The following GALNTL6 variants were observed in gnomAD, a reference collection of about 807,000 sequenced individuals.
GALNTL6 encodes the protein polypeptide N-acetylgalactosaminyltransferase-like 6.
In GALNTL6, 46 loss-of-function variants were observed where a neutral mutation model predicts 73.7. The ratio of observed to expected loss-of-function variants is 0.62; its 90% CI spans 0.49 to 0.80. The LOEUF is 0.80. GALNTL6 is among the 30% of genes least tolerant of loss of function. The pLI, the probability that GALNTL6 is intolerant of heterozygous loss-of-function variation, is 0.00. For synonymous variants in GALNTL6, 259 were observed against 263.7 expected, an observed-to-expected ratio of 0.98 and a Z score of 0.17; for missense variants, 604 against 755.0, an observed-to-expected ratio of 0.80 and a Z score of 2.34.
rs33989573 is a variant in GALNTL6 at position 172,761,669 on chromosome 4, TTC to T, written c.554-47666_554-47665del. Among the ~76,000 whole-genome samples, 1,080 of 147,256 alleles carry T rather than the reference TTC, an allele frequency of 7.3e-3. 6 individuals are homozygous for T. The highest frequency in any genetic ancestry group is 0.02 in the South Asian group (92 of 4,658). Reference sequence around the variant, plus strand: ...TGTGAGAGCTTCGCCCTTGCTCTCTTTCTCTCTCTCTCTCTCTCTCTCTCTCT... The same window carrying T: ...TGTGAGAGCTTCGCCCTTGCTCTCTTTCTCTCTCTCTCTCTCTCTCTCTCT... On this transcript the variant is annotated intron_variant, in intron 5 of 12. Transcript: ENST00000506823.
intron 3 of GALNTL6, among the ~76,000 whole-genome samples, chr4:172,241,593 A>G (rs1408900355): frequency 6.6e-6 from 1 of 152,220 alleles, no homozygotes; most frequent in Non-Finnish European, 1.5e-5. Flanking sequence ...AAACCAATGT[A>G]TTGGTAGAAG....
intron 10 of GALNTL6, among the ~76,000 whole-genome samples, chr4:173,003,429 A>G (rs554848787): frequency 6.6e-6 from 1 of 152,328 alleles, no homozygotes; most frequent in East Asian, 1.9e-4. Flanking sequence ...CCTTCGACTT[A>G]AGTGCCGTGA....
chr4:171,904,930 A>T (rs1276663982), intron 2 of GALNTL6, among the ~76,000 whole-genome samples: 1 of 152,182 alleles, frequency 6.6e-6, no homozygotes, highest in East Asian at 1.9e-4. Context: ...AATACTTTAC[A>T]GACAAGCAAA....
At chr4:172,096,827 T>C (rs1332364818) in intron 2 of GALNTL6, among the ~76,000 whole-genome samples, 1 of 152,196 alleles carries the variant, frequency 6.6e-6, no homozygotes, top group African/African-American at 2.4e-5. Flanking sequence ...CTTCATATCC[T>C]AATTATCTTC....
At chr4:173,032,097 G>A (rs74561939) in intron 12 of GALNTL6, among the ~76,000 whole-genome samples, 2 of 152,194 alleles carry the variant, frequency 1.3e-5, no homozygotes, top group Admixed American at 6.5e-5. Flanking sequence ...AAATGCATAC[G>A]TGCAACAGAA....
rs1177228867 is a variant in GALNTL6 at position 172,490,972 on chromosome 4, C to T, written c.553+142283C>T. On this transcript the variant is annotated intron_variant, in intron 5 of 12. Transcript: ENST00000506823. Reference sequence around the variant, plus strand: ...CAAGGAGATGGGGCTAGGGATAAATCAGTGAACAAGACACAGGTAGTCCTT... The same window carrying T: ...CAAGGAGATGGGGCTAGGGATAAATTAGTGAACAAGACACAGGTAGTCCTT... 2.0e-5 allele frequency among the ~76,000 whole-genome samples: 3 copies of T among 152,150 alleles called. No homozygotes were observed. The East Asian group carries it at 5.8e-4, about 29-fold the overall frequency.
At position 173,040,659 on chromosome 4, in the gene GALNTL6, TGAG is replaced by T. The variant is rs1465297713; in HGVS notation, c.*561_*563del. The T allele has an allele frequency of 6.6e-6, 1 of 152,624 alleles. No homozygotes were observed. Among genetic ancestry groups the T allele is most frequent in the Admixed American group, 6.6e-5 (1 of 15,266 alleles). 9.5% of individuals were successfully genotyped at this position (152,624 alleles called of 1,614,324 possible). A position where few individuals can be genotyped will look rare whatever the true frequency, so the allele number is the denominator to read the frequency against. ...TGTTTTTTTTATTTTTATTTTTAAA[TGAG>T]GGTGCAATATCTAATGTAAGACTTA... On this transcript the variant is annotated 3_prime_UTR_variant, in exon 13 of 13. Transcript: ENST00000506823.
At chr4:172,991,078 T>G (rs1163375640) in intron 10 of GALNTL6, among the ~76,000 whole-genome samples, 2 of 152,172 alleles carry the variant, frequency 1.3e-5, no homozygotes, top group Non-Finnish European at 2.9e-5. Context: ...TTTAAAACAC[T>G]TGGTATCATA....
At position 172,490,328 on chromosome 4, in the gene GALNTL6, C is replaced by T. The variant is rs1382047669; in HGVS notation, c.553+141639C>T. ...CTATAAGCTTTTTCCTTTTCTGAGT[C>T]TGGGTAAAAATGAATGAGAATGGAG... On this transcript the variant is annotated intron_variant, in intron 5 of 12. Transcript: ENST00000506823. Among the ~76,000 whole-genome samples, 3 of 152,234 alleles carry T rather than the reference C, an allele frequency of 2.0e-5. No homozygotes were observed. In the East Asian group the frequency reaches 5.8e-4, roughly 29 times the overall value.
chr4:172,800,604 A>G (rs1391796278), intron 5 of GALNTL6, among the ~76,000 whole-genome samples: 1 of 152,204 alleles, frequency 6.6e-6, no homozygotes, highest in African/African-American at 2.4e-5. Context: ...CTTTGCACAA[A>G]TAAAGTTTGT....
chr4:172,947,566 T>C (rs1749224574), intron 9 of GALNTL6, among the ~76,000 whole-genome samples: 5 of 134,862 alleles, frequency 3.7e-5, no homozygotes, highest in South Asian at 2.6e-4. Context: ...CTTGACTCTT[T>C]CTTTCCCCTT....
intron 2 of GALNTL6, among the ~76,000 whole-genome samples, chr4:172,200,372 G>A (rs550103115): frequency 3.3e-5 from 5 of 152,228 alleles, no homozygotes; most frequent in African/African-American, 9.6e-5. Context: ...AAGGAAATTC[G>A]ATTACCTTGA....
intron 5 of GALNTL6, among the ~76,000 whole-genome samples, chr4:172,415,106 A>C (rs2111350662): frequency 6.6e-6 from 1 of 152,316 alleles, no homozygotes; most frequent in East Asian, 1.9e-4. Context: ...TTTCCCCAAG[A>C]AATGAACTTT....
intron 2 of GALNTL6, among the ~76,000 whole-genome samples, chr4:171,902,749 A>T (rs908153668): frequency 1.4e-4 from 21 of 152,206 alleles, no homozygotes; most frequent in Admixed American, 3.9e-4. Context: ...ACATTGAAAA[A>T]GGAAAGATAT....
chr4:172,328,954 G>GT lies in GALNTL6; in HGVS notation c.386+17206dup, dbSNP rs202191744. 8.1e-4 allele frequency among the ~76,000 whole-genome samples: 123 copies of GT among 152,302 alleles called. 2 individuals are homozygous for GT. The South Asian group carries it at 0.016, about 19-fold the overall frequency. The stretch of plus-strand genomic sequence containing the variant: ...CACTCTGGCCATTTGAGCTGCCAGG[G>GT]TTTTGGGTTGGTTCTTTCTCATCTC... On this transcript the variant is annotated intron_variant, in intron 4 of 12. Coordinates refer to ENST00000506823, the MANE Select transcript of GALNTL6 (RefSeq NM_001034845.3).
chr4:172,799,412 A>G (rs1281438739), intron 5 of GALNTL6, among the ~76,000 whole-genome samples: 1 of 152,134 alleles, frequency 6.6e-6, no homozygotes, highest in Non-Finnish European at 1.5e-5. Context: ...CTATTTGCTT[A>G]TTTTGATAGC....
chr4:173,000,265 A>C (rs1751989185), intron 10 of GALNTL6, among the ~76,000 whole-genome samples: 1 of 152,180 alleles, frequency 6.6e-6, no homozygotes. Context: ...GTGAAATCAA[A>C]CTCTGGGCAG....
At chr4:171,833,377 G>A (rs984197823) in intron 2 of GALNTL6, among the ~76,000 whole-genome samples, 4 of 151,592 alleles carry the variant, frequency 2.6e-5, no homozygotes, top group African/African-American at 9.7e-5. Context: ...CACACTTTAT[G>A]TTTAGCCAGA....
chr4:172,979,100 A>G (rs1433791928), intron 10 of GALNTL6, among the ~76,000 whole-genome samples: 2 of 152,220 alleles, frequency 1.3e-5, no homozygotes, highest in African/African-American at 4.8e-5. Context: ...TGGTACTAAT[A>G]GTGGGTGTTG....
Sources: gnomAD v4.1 joint callset for allele counts (sites outside exome capture counted in the v4.1 genomes callset) on GRCh38, gnomAD v4.1.1 for gene constraint, MANE v1.5 for transcripts, NCBI Gene and HGNC (gene_info 2026-07-23, HGNC 2026-07-21) for gene names.